POLR1A: variants seen among roughly 807,000 people sequenced by gnomAD.
The protein encoded by POLR1A is RNA polymerase I subunit A.
Under a neutral mutation model 205.3 loss-of-function variants are expected in POLR1A, and 84 were observed. The ratio of observed to expected loss-of-function variants is 0.41; its 90% CI spans 0.34 to 0.49. The LOEUF is 0.49. POLR1A is among the 20% of genes least tolerant of loss of function. The pLI, the probability that POLR1A is intolerant of heterozygous loss-of-function variation, is 0.22. For synonymous variants in POLR1A, 799 were observed against 863.7 expected (o/e 0.93, Z 1.31); for missense variants, 1,645 against 2,204.5 (o/e 0.75, Z 5.08).
At chr2:86,073,322 T>C (rs1185786842) in intron 12 of POLR1A, among the ~76,000 whole-genome samples, 1 of 152,186 alleles carries the variant, frequency 6.6e-6, no homozygotes, top group Non-Finnish European at 1.5e-5. Context: ...GCCTATTTGT[T>C]TGTGTACTAC....
chr2:86,034,922 G>C (rs1349535779), intron 27 of POLR1A, among the ~76,000 whole-genome samples: 1 of 152,120 alleles, frequency 6.6e-6, no homozygotes. Flanking sequence ...CCAGGCTGGA[G>C]TGCAGTGGTG....
chr2:86,031,444 G>A lies in POLR1A; in HGVS notation c.4464C>T (p.His1488=), dbSNP rs1312740816. The change falls in exon 30 of 34, where the codon CAC becomes CAT. Residue 1488 remains histidine (H), a synonymous_variant. Coordinates refer to ENST00000263857, the MANE Select transcript of POLR1A (RefSeq NM_015425.6). The part of the protein sequence containing the change: ...ALLTQPRKPT[H]SQEPQGPEAM... The stretch of plus-strand genomic sequence containing the variant: ...CCTCGGGCCCCTGGGGCTCCTGGCT[G>A]TGGGTGGGTTTCCGGGGCTGCGTCA... 9 of 1,614,056 alleles carry A rather than the reference G, an allele frequency of 5.6e-6. No homozygotes were observed. The highest frequency in any genetic ancestry group is 1.7e-5 in the Admixed American group (1 of 60,010).
In POLR1A at chr2:86,040,588, G is replaced by C; in HGVS notation, c.3573-29C>G. 3 of 1,501,752 alleles carry C rather than the reference G, an allele frequency of 2.0e-6. No individual in the cohort carries two copies. The South Asian group carries it at 3.9e-5, about 19-fold the overall frequency. 93.0% of individuals were successfully genotyped at this position (1,501,752 alleles called of 1,614,324 possible). A position where few individuals can be genotyped will look rare whatever the true frequency, so the allele number is the denominator to read the frequency against. On this transcript the variant is annotated intron_variant, in intron 24 of 33. Coordinates refer to ENST00000263857, the MANE Select transcript of POLR1A (RefSeq NM_015425.6). ...GAGACGGTGGTGGGGGGTCAGGGTG[G>C]GGGTTGTGGCAGGGGTCAGGAGCAG...
At chr2:86,090,433 A>G (rs1393577535) in intron 3 of POLR1A, among the ~76,000 whole-genome samples, 2 of 152,046 alleles carry the variant, frequency 1.3e-5, no homozygotes, top group Non-Finnish European at 2.9e-5. Flanking sequence ...CCTACGTCCA[A>G]TAATGGTGGG....
At chr2:86,101,312 A>AC (rs1673817997) in intron 1 of POLR1A, among the ~76,000 whole-genome samples, 1 of 152,190 alleles carries the variant, frequency 6.6e-6, no homozygotes, top group Non-Finnish European at 1.5e-5. Flanking sequence ...AAGCACAAAA[A>AC]TAGTGTCAAG....
chr2:86,082,541 C>CT (rs35737381), intron 7 of POLR1A, among the ~76,000 whole-genome samples: 75,765 of 146,810 alleles, frequency 0.52, 19,419 homozygotes, highest in Non-Finnish European at 0.56. Flanking sequence ...AACTCCAGTG[C>CT]TTTTTTTTTT....
rs189380261 is a variant in POLR1A, at chr2:86,043,076, T to C, written c.3255A>G (p.Arg1085=). The change falls in exon 23 of 34, where the codon AGA becomes AGG. Residue 1085 remains arginine (R), a synonymous_variant. Transcript: ENST00000263857. ...WQSKHPNTLL[R]RGAFLSYSQK... ...GGGAATAACTCAAGAAGGCGCCTCT[T>C]CTCAGCAGGGTGTTGGGGTGCTTGC... The C allele has an allele frequency of 1.2e-6, 2 of 1,614,200 alleles. No individual in the cohort carries two copies. The highest frequency in any genetic ancestry group is 2.2e-5 in the East Asian group (1 of 44,886).
chr2:86,080,502 G>A (rs1370791694), intron 9 of POLR1A, among the ~76,000 whole-genome samples: 2 of 152,150 alleles, frequency 1.3e-5, no homozygotes, highest in African/African-American at 4.8e-5. Context: ...AACAGCCTAG[G>A]TGTGAAATCT....
At position 86,089,875 on chromosome 2, in the gene POLR1A, G is replaced by C. The variant is rs756055919; in HGVS notation, c.487C>G (p.Gln163Glu). Residue 163 changes from glutamine (Q) to glutamate (E), a missense_variant, in exon 4 of 34, where the codon CAA (glutamine) becomes GAA (glutamate). By Grantham distance (29) the Gln-to-Glu change is conservative. Transcript: ENST00000263857. The part of the protein sequence containing the change: ...SASEIREELE[Q>E]YTTEIVQNNL... ...TTCTGCACAATTTCAGTTGTGTATT[G>C]TTCTAATTCCTCCCGAATTTCAGAG... 1 of 1,613,196 alleles carries C rather than the reference G, an allele frequency of 6.2e-7. No individual in the cohort carries two copies. Among genetic ancestry groups the C allele is most frequent in the Admixed American group, 1.7e-5 (1 of 60,028 alleles).
chr2:86,070,758 A>T lies in POLR1A; in HGVS notation c.1612-486T>A, dbSNP rs1236764483. The stretch of plus-strand genomic sequence containing the variant: ...TAAACAGAAATTCTACATTTCACAA[A>T]AAGTTTGCCCAGCTTCATATAGCAG... On this transcript the variant is annotated intron_variant, in intron 12 of 33. Coordinates refer to ENST00000263857, the MANE Select transcript of POLR1A (RefSeq NM_015425.6). This position sits in a 1 kb window ranked among gnomAD's most constrained non-coding sequence, Gnocchi z 4.4. Among the ~76,000 whole-genome samples the T allele has an allele frequency of 6.6e-6, 1 of 151,762 alleles. No homozygotes were observed. Among genetic ancestry groups the T allele is most frequent in the African/African-American group, 2.4e-5 (1 of 41,336 alleles).
Position 86,045,319 on chromosome 2 carries a change from C to T in POLR1A, c.2928G>A (p.Val976=). 1 of 1,613,930 alleles carries T rather than the reference C, an allele frequency of 6.2e-7. No homozygotes were observed. Among genetic ancestry groups the T allele is most frequent in the East Asian group, 2.2e-5 (1 of 44,886 alleles). ...FHCMAGREGL[V]DTAVKTSRSG... is the part of the protein sequence containing the mutation. ...AGCGGCTGGTTTTCACAGCAGTGTC[C>T]ACCAGGCCCTCTCGTCCTGCCATGC... The change falls in exon 21 of 34, where the codon GTG becomes GTA. Residue 976 remains valine, a synonymous_variant. Coordinates refer to ENST00000263857, the MANE Select transcript of POLR1A (RefSeq NM_015425.6).
chr2:86,036,017 G>A (rs1672487226), intron 27 of POLR1A, among the ~76,000 whole-genome samples: 1 of 152,210 alleles, frequency 6.6e-6, no homozygotes, highest in Admixed American at 6.5e-5. Context: ...CACAGTGACT[G>A]CCTTCTCAAG....
In POLR1A at chr2:86,022,740, CACA is replaced by C. The variant is rs1282325322; in HGVS notation, c.*4680_*4682del. On this transcript the variant is annotated 3_prime_UTR_variant, in exon 34 of 34. Transcript: ENST00000263857. ...AGTAGCTGGGACCACAGGCACATGT[CACA>C]ACACCTGGCTAATTTTTGTAGATAC... The C allele has an allele frequency of 6.6e-6, 1 of 152,152 alleles. No individual in the cohort carries two copies. The highest frequency in any genetic ancestry group is 2.4e-5 in the African/African-American group (1 of 41,404). The allele number at this position is 152,152 out of a possible 1,614,324, so 9.4% of individuals were successfully genotyped here. A position where few individuals can be genotyped will look rare whatever the true frequency, so the allele number is the denominator to read the frequency against.
chr2:86,099,944 C>A, intron 2 of POLR1A, 24 bp downstream of exon 2: 2 of 1,600,466 alleles, frequency 1.2e-6, no homozygotes, highest in Non-Finnish European at 1.7e-6. Context: ...GCCCGGAGAC[C>A]CACACAACTA....
chr2:86,096,866 T>C (rs971428093), intron 3 of POLR1A, among the ~76,000 whole-genome samples: 5 of 152,012 alleles, frequency 3.3e-5, no homozygotes, highest in African/African-American at 7.2e-5. Context: ...AATAAACAAA[T>C]GAGATTTTAT....
chr2:86,093,717 C>G (rs1048310865), intron 3 of POLR1A, among the ~76,000 whole-genome samples: 13 of 152,150 alleles, frequency 8.5e-5, no homozygotes, highest in Non-Finnish European at 1.2e-4. Context: ...GTAGTTCCAG[C>G]TACTCGTGAG....
At chr2:86,031,279 T>C in intron 30 of POLR1A, 51 bp downstream of exon 30, 1 of 1,508,476 alleles carries the variant, frequency 6.6e-7, no homozygotes, top group Non-Finnish European at 8.9e-7. Flanking sequence ...ACAGAGGGAT[T>C]TGGCCAGCTG....
chr2:86,055,785 C>T (rs1164247113), intron 14 of POLR1A, among the ~76,000 whole-genome samples: 1 of 152,192 alleles, frequency 6.6e-6, no homozygotes, highest in African/African-American at 2.4e-5. Flanking sequence ...CTGTCACCAA[C>T]CTAATAAAGG....
chr2:86,093,435 T>C (rs1011828850), intron 3 of POLR1A, among the ~76,000 whole-genome samples: 2 of 152,222 alleles, frequency 1.3e-5, no homozygotes, highest in African/African-American at 4.8e-5. Flanking sequence ...CTCACAAATA[T>C]GACCGTGATA....
Sources: allele counts gnomAD v4.1 joint callset (sites outside exome capture counted in the v4.1 genomes callset), GRCh38; gene constraint gnomAD v4.1.1; non-coding constraint Gnocchi (gnomAD v3.1); transcripts MANE v1.5; gene names NCBI Gene and HGNC (gene_info 2026-07-23, HGNC 2026-07-21).